Variants in RARB observed in about 807,000 individuals in gnomAD.
RARB encodes HBV-activated protein.
In RARB, 17 loss-of-function variants were observed where a neutral mutation model predicts 51.9. The observed-to-expected ratio is 0.33, with a 90% CI of 0.22 to 0.49. The LOEUF (loss-of-function observed/expected upper bound fraction) is 0.49, where lower values mean the gene tolerates loss of function less well. Ranked by LOEUF, RARB falls within the 20% of genes least tolerant of loss-of-function variation. The pLI is 0.99. For synonymous variants in RARB, 215 were observed against 195.4 expected, an observed-to-expected ratio of 1.10 and a Z score of -0.84; for missense variants, 369 against 550.8, an observed-to-expected ratio of 0.67 and a Z score of 3.30.
At chr3:24,975,711 G>A (rs1047576641) in intron 2 of RARB, among the ~76,000 whole-genome samples, 6 of 151,860 alleles carry the variant, frequency 4.0e-5, no homozygotes, top group African/African-American at 1.2e-4. Context: ...AAAAATAATC[G>A]CTTGTATTTT....
intron 3 of RARB, among the ~76,000 whole-genome samples, chr3:25,089,907 G>A (rs572548595): frequency 5.3e-5 from 8 of 152,232 alleles, no homozygotes; most frequent in East Asian, 1.9e-4. Flanking sequence ...TATATTAGCC[G>A]TCAAAGTCCC....
At chr3:25,184,517 T>C (rs1261171241) in intron 5 of RARB, among the ~76,000 whole-genome samples, 2 of 151,996 alleles carry the variant, frequency 1.3e-5, no homozygotes, top group Admixed American at 6.6e-5. Context: ...GTTGAAAATC[T>C]AGGGGAGCGG....
chr3:25,152,956 A>G (rs1036159592), intron 4 of RARB, among the ~76,000 whole-genome samples: 9 of 152,222 alleles, frequency 5.9e-5, no homozygotes, highest in African/African-American at 1.9e-4. Context: ...TCTTCTACAC[A>G]TTATTTCAAG....
chr3:25,129,320 A>G (rs1443967520), intron 3 of RARB, among the ~76,000 whole-genome samples: 2 of 152,114 alleles, frequency 1.3e-5, no homozygotes, highest in African/African-American at 4.8e-5. Context: ...TCCACAATAT[A>G]TATTTTAAAG....
At chr3:24,973,416 C>A (rs1036286139) in intron 2 of RARB, among the ~76,000 whole-genome samples, 2 of 151,936 alleles carry the variant, frequency 1.3e-5, no homozygotes, top group Admixed American at 6.6e-5. Context: ...CCCCAACTTA[C>A]TTCTTTTTGA....
chr3:25,083,943 C>T (rs1253850155), intron 3 of RARB, among the ~76,000 whole-genome samples: 12 of 152,162 alleles, frequency 7.9e-5, no homozygotes, highest in Non-Finnish European at 1.8e-4. Context: ...TTTTTATCCA[C>T]TCCGACAAAC....
At chr3:25,314,341 T>C (rs890588350) in intron 5 of RARB, among the ~76,000 whole-genome samples, 3 of 152,206 alleles carry the variant, frequency 2.0e-5, no homozygotes, top group Admixed American at 6.5e-5. Flanking sequence ...AATTTACTTT[T>C]TTATTATTGA....
intron 5 of RARB, among the ~76,000 whole-genome samples, chr3:25,270,042 T>C (rs1418419707): frequency 6.6e-6 from 1 of 152,180 alleles, no homozygotes; most frequent in East Asian, 1.9e-4. Flanking sequence ...AATTGGAACC[T>C]TGTGTCTAGC....
intron 4 of RARB, among the ~76,000 whole-genome samples, chr3:25,160,575 A>G (rs1182855868): frequency 6.6e-6 from 1 of 152,216 alleles, no homozygotes; most frequent in African/African-American, 2.4e-5. Flanking sequence ...AGGAGAAATA[A>G]TTGGTCAGTA....
At chr3:24,960,702 C>G (rs1341365822) in intron 2 of RARB, among the ~76,000 whole-genome samples, 3 of 151,762 alleles carry the variant, frequency 2.0e-5, no homozygotes, top group Admixed American at 2.0e-4. Context: ...TAGCTACAAC[C>G]ATACGTTGTG....
chr3:25,146,013 A>AT (rs1700183148), intron 4 of RARB, among the ~76,000 whole-genome samples: 1 of 151,884 alleles, frequency 6.6e-6, no homozygotes, highest in South Asian at 2.1e-4. Context: ...AAAAAAAAAA[A>AT]AATTCATGCC....
rs150665994 is a variant in RARB at position 25,406,525 on chromosome 3, T to G, written c.179-54668T>G. On this transcript the variant is annotated intron_variant, in intron 5 of 11. Transcript: ENST00000383772. ...TCCTCACATGATTGAACCTCTGTGC[T>G]TGCACACCCCCAGTGTCTCTTCTTC... Among the ~76,000 whole-genome samples, 27 of 152,348 alleles carry G rather than the reference T, an allele frequency of 1.8e-4. 1 individual carries two copies. Among genetic ancestry groups the G allele is most frequent in the African/African-American group, 5.8e-4 (24 of 41,582 alleles).
chr3:25,206,211 C>A (rs1205634831), intron 5 of RARB, among the ~76,000 whole-genome samples: 2 of 152,048 alleles, frequency 1.3e-5, no homozygotes, highest in African/African-American at 4.8e-5. Context: ...CAAGTGAATC[C>A]CCTCCTTGGT....
intron 2 of RARB, among the ~76,000 whole-genome samples, chr3:24,904,663 T>C (rs1200908562): frequency 6.6e-6 from 1 of 152,164 alleles, no homozygotes; most frequent in Admixed American, 6.5e-5. Context: ...CATTCCTGGG[T>C]ATATACCCAA....
chr3:25,108,991 C>A lies in RARB; in HGVS notation c.-327-23170C>A, dbSNP rs73047721. ...TCTCAGGCTTGGGAGTCATTCAGAC[C>A]AGATTGTATCCCTGCATTGCCACAC... On this transcript the variant is annotated intron_variant, in intron 3 of 11. Coordinates refer to the RARB transcript ENST00000383772. 5.3e-3 allele frequency among the ~76,000 whole-genome samples: 810 copies of A among 152,186 alleles called. 4 individuals are homozygous for A. The highest frequency in any genetic ancestry group is 0.02 in the Middle Eastern group (6 of 294).
chr3:25,181,096 T>A (rs1700851623), intron 5 of RARB, among the ~76,000 whole-genome samples: 1 of 152,144 alleles, frequency 6.6e-6, no homozygotes, highest in African/African-American at 2.4e-5. Context: ...CATAACTCTA[T>A]GTTTGCTGTG....
At chr3:25,371,486 A>C (rs1272450423) in intron 5 of RARB, among the ~76,000 whole-genome samples, 6 of 152,252 alleles carry the variant, frequency 3.9e-5, no homozygotes, top group African/African-American at 1.2e-4. Context: ...ATTAAGAGCA[A>C]AATATCTTTC....
At chr3:24,865,226 C>G (rs1270214875) in intron 2 of RARB, among the ~76,000 whole-genome samples, 1 of 152,048 alleles carries the variant, frequency 6.6e-6, no homozygotes, top group African/African-American at 2.4e-5. Flanking sequence ...GAATTTGTTC[C>G]AGGACTTCCT....
At chr3:25,586,018 G>A (rs1031226749) in intron 5 of RARB, among the ~76,000 whole-genome samples, 9 of 152,122 alleles carry the variant, frequency 5.9e-5, no homozygotes, top group African/African-American at 1.7e-4. Context: ...AGGCCAGGCG[G>A]GGTTGAAGAG....
Sources: gnomAD v4.1 joint callset for allele counts (sites outside exome capture counted in the v4.1 genomes callset) on GRCh38, gnomAD v4.1.1 for gene constraint, MANE v1.5 for transcripts, NCBI Gene and HGNC (gene_info 2026-07-23, HGNC 2026-07-21) for gene names.